AP2A2: variants seen among roughly 807,000 people sequenced by gnomAD.
AP2A2 encodes AP-2 complex subunit alpha-2.
AP2A2 carries 32 observed loss-of-function variants against 104.2 expected under a neutral mutation model. That is an observed-to-expected ratio of 0.31 (90% confidence interval 0.23 to 0.41). The LOEUF (loss-of-function observed/expected upper bound fraction) is 0.41, where lower values mean the gene tolerates loss of function less well. Ranked by LOEUF, AP2A2 falls within the 10% of genes least tolerant of loss-of-function variation. The pLI is 1.00. For missense variants in AP2A2, 912 were observed against 1,261.0 expected (o/e 0.72, Z 4.19); for synonymous variants, 539 against 533.3 (o/e 1.01, Z -0.15).
intron 1 of AP2A2, among the ~76,000 whole-genome samples, chr11:934,409 A>G (rs986833468): frequency 1.3e-5 from 2 of 152,158 alleles, no homozygotes; most frequent in African/African-American, 2.4e-5. Flanking sequence ...TATAGGTGTG[A>G]GCCACTGCGC....
At chr11:1,000,875 G>A (rs1228847732) in intron 15 of AP2A2, among the ~76,000 whole-genome samples, 3 of 152,336 alleles carry the variant, frequency 2.0e-5, no homozygotes, top group South Asian at 4.1e-4. Flanking sequence ...TGTCCTGTCT[G>A]CACGGTGATG....
In AP2A2 at chr11:972,897, G is replaced by A. The variant is rs1011381724; in HGVS notation, c.473+642G>A. ...GTGCCCGTTCCCCAGGGCTTCACGC[G>A]GAGAAGCCGAGCACCGCGCCGGAGC... On this transcript the variant is annotated intron_variant, in intron 4 of 21. Transcript: ENST00000448903. 4.6e-5 allele frequency among the ~76,000 whole-genome samples: 7 copies of A among 152,364 alleles called. No individual in the cohort carries two copies. In the East Asian group the frequency reaches 5.8e-4, roughly 13 times the overall value.
chr11:994,307 C>A (rs1446975986), intron 14 of AP2A2, 62 bp downstream of exon 14: 1 of 1,582,976 alleles, frequency 6.3e-7, no homozygotes, highest in Non-Finnish European at 8.6e-7. Context: ...GACTTGGGAC[C>A]AGCAGAGCAT....
intron 1 of AP2A2, among the ~76,000 whole-genome samples, chr11:944,406 A>G (rs1203657881): frequency 6.6e-6 from 1 of 152,204 alleles, no homozygotes; most frequent in Non-Finnish European, 1.5e-5. Flanking sequence ...TTCTGGGACT[A>G]TGGCAGGGAA....
chr11:1,005,756 T>C (rs893826527), intron 16 of AP2A2, among the ~76,000 whole-genome samples: 7 of 152,238 alleles, frequency 4.6e-5, no homozygotes, highest in African/African-American at 1.7e-4. Flanking sequence ...AAACGCTGCA[T>C]TGAAAACAGG....
chr11:944,156 G>C (rs1853753968), intron 1 of AP2A2, among the ~76,000 whole-genome samples: 1 of 152,242 alleles, frequency 6.6e-6, no homozygotes, highest in African/African-American at 2.4e-5. Context: ...GGATGGATGT[G>C]ATGGGGGCCC....
intron 5 of AP2A2, among the ~76,000 whole-genome samples, chr11:979,444 G>C (rs1370793429): frequency 6.6e-6 from 1 of 152,026 alleles, no homozygotes; most frequent in Non-Finnish European, 1.5e-5. Context: ...TCCTTGGAAA[G>C]CTGAGGGCAC....
At chr11:946,148 C>T (rs998849253) in intron 1 of AP2A2, among the ~76,000 whole-genome samples, 3 of 152,128 alleles carry the variant, frequency 2.0e-5, no homozygotes, top group African/African-American at 4.8e-5. Context: ...CCAACGGTTG[C>T]GACACTCTGA....
chr11:1,009,289 G>C, intron 19 of AP2A2, 39 bp from the exon 20 acceptor site: 1 of 1,611,672 alleles, frequency 6.2e-7, no homozygotes, highest in Non-Finnish European at 8.5e-7. Context: ...TTTGGTCTCT[G>C]GCCTGGCTGA....
At chr11:978,617 A>T (rs748823096) in intron 5 of AP2A2, among the ~76,000 whole-genome samples, 10 of 152,060 alleles carry the variant, frequency 6.6e-5, no homozygotes, top group Non-Finnish European at 1.2e-4. Context: ...TTCCCTCCTT[A>T]GCTCTCCCAG....
At chr11:989,213 G>A (rs1329921787) in intron 10 of AP2A2, among the ~76,000 whole-genome samples, 2 of 152,164 alleles carry the variant, frequency 1.3e-5, no homozygotes, top group Non-Finnish European at 2.9e-5. Context: ...TGTAATGCCA[G>A]CTACTCCGGA....
Position 992,106 on chromosome 11 carries a change from G to A in AP2A2, c.1270-397G>A, listed in dbSNP as rs571188664. ...GTGGCCGCCGGGAGCCCAGGGTGGCGCAGTCACTGGCCGCCGGGAGCCCAG... is the reference window on the plus strand; with the variant it reads ...GTGGCCGCCGGGAGCCCAGGGTGGCACAGTCACTGGCCGCCGGGAGCCCAG... On this transcript the variant is annotated intron_variant, in intron 10 of 21. Transcript: ENST00000448903. The surrounding 1 kb of genome is among the most constrained non-coding windows in gnomAD (Gnocchi z 6.4). 1.4e-4 allele frequency among the ~76,000 whole-genome samples: 22 copies of A among 152,018 alleles called. No homozygotes were observed. The highest frequency in any genetic ancestry group is 4.6e-4 in the African/African-American group (19 of 41,464).
rs549459789 is a variant in AP2A2, at chr11:977,142, G to A, written c.521G>A (p.Arg174His). Residue 174 changes from arginine (R) to histidine (H), a missense_variant, in exon 5 of 22, where the codon CGC becomes CAC. Arg to His is a conservative substitution (Grantham distance 29, BLOSUM62 0). Transcript: ENST00000448903. Reference sequence around the variant, plus strand: ...CAGAGCGCGGCCCTGTGCTTGCTGCGCCTGTACAGGACGTCCCCCGATCTT... The same window carrying A: ...CAGAGCGCGGCCCTGTGCTTGCTGCACCTGTACAGGACGTCCCCCGATCTT... Reference protein sequence around the residue: ...VKQSAALCLLRLYRTSPDLVP... With the variant: ...VKQSAALCLLHLYRTSPDLVP... 8 of 1,613,756 alleles carry A rather than the reference G, an allele frequency of 5.0e-6. No homozygotes were observed. Among genetic ancestry groups the A allele is most frequent in the Non-Finnish European group, 5.9e-6 (7 of 1,179,778 alleles).
Position 925,963 on chromosome 11 carries a change from C to A in AP2A2, c.-59C>A. ...GACGGCGACCGCACTCCCCGCTTCC[C>A]GCTCCCCGCGCTCCTCCGCCCGGGT... On this transcript the variant is annotated 5_prime_UTR_variant, in exon 1 of 22. Transcript: ENST00000448903. 1 of 1,308,614 alleles carries A rather than the reference C, an allele frequency of 7.6e-7. No homozygotes were observed. Among genetic ancestry groups the A allele is most frequent in the Non-Finnish European group, 1.0e-6 (1 of 998,448 alleles). The allele number at this position is 1,308,614 out of a possible 1,614,324, so 81.1% of individuals were successfully genotyped here.
At chr11:986,465 C>A (rs983467007) in intron 8 of AP2A2, among the ~76,000 whole-genome samples, 3 of 152,220 alleles carry the variant, frequency 2.0e-5, no homozygotes, top group African/African-American at 7.2e-5. Flanking sequence ...GACCCCATTG[C>A]CGGTCACAGC....
At chr11:932,811 T>C (rs538751355) in intron 1 of AP2A2, 4 of 455,518 alleles carry the variant, frequency 8.8e-6, no homozygotes. Context: ...CAAGTTGAAG[T>C]GTCCTGGTGG....
At chr11:938,888 C>T (rs986798389) in intron 1 of AP2A2, among the ~76,000 whole-genome samples, 7 of 152,206 alleles carry the variant, frequency 4.6e-5, no homozygotes, top group African/African-American at 1.7e-4. Context: ...TTCCTAATAG[C>T]GTTTATTCTT....
intron 2 of AP2A2, among the ~76,000 whole-genome samples, chr11:964,800 G>A (rs1854558485): frequency 7.4e-6 from 1 of 135,740 alleles, no homozygotes; most frequent in Non-Finnish European, 1.7e-5. Flanking sequence ...CCAGATGGAA[G>A]CGTGGAAATG....
At chr11:973,098 G>A (rs2134632555) in intron 4 of AP2A2, among the ~76,000 whole-genome samples, 1 of 152,340 alleles carries the variant, frequency 6.6e-6, no homozygotes, top group South Asian at 2.1e-4. Flanking sequence ...CGCCCACACG[G>A]TGCCACCCGG....
Sources: allele counts gnomAD v4.1 joint callset (sites outside exome capture counted in the v4.1 genomes callset), GRCh38; gene constraint gnomAD v4.1.1; non-coding constraint Gnocchi (gnomAD v3.1); transcripts MANE v1.5; gene names NCBI Gene and HGNC (gene_info 2026-07-23, HGNC 2026-07-21).